GRXCR1: variants seen among roughly 807,000 people sequenced by gnomAD.
GRXCR1 encodes glutaredoxin and cysteine rich domain containing 1.
GRXCR1 carries 27 observed loss-of-function variants against 27.3 expected under a neutral mutation model. That is an observed-to-expected ratio of 0.99 (90% confidence interval 0.73 to 1.37). The LOEUF (loss-of-function observed/expected upper bound fraction) is 1.37, where lower values mean the gene tolerates loss of function less well. GRXCR1 is among the 40% of genes most tolerant of loss of function. The pLI, the probability that GRXCR1 is intolerant of heterozygous loss-of-function variation, is 0.00. For missense variants in GRXCR1, 379 were observed against 354.4 expected (o/e 1.07, Z -0.56); for synonymous variants, 122 against 131.1 (o/e 0.93, Z 0.47).
At chr4:42,960,642 G>GTT (rs200228120) in intron 1 of GRXCR1, among the ~76,000 whole-genome samples, 3 of 149,150 alleles carry the variant, frequency 2.0e-5, no homozygotes, top group Non-Finnish European at 4.5e-5. Context: ...CTACACTTGT[G>GTT]TTTTTTTTTC....
intron 1 of GRXCR1, 95 bp downstream of exon 1, chr4:42,893,745 G>A: frequency 8.5e-7 from 1 of 1,170,086 alleles, no homozygotes; most frequent in South Asian, 1.2e-5. Flanking sequence ...TCTCTTATTT[G>A]CAACTCCTAC....
At chr4:43,015,312 A>G (rs80182793) in intron 2 of GRXCR1, among the ~76,000 whole-genome samples, 4,648 of 152,246 alleles carry the variant, frequency 0.031, 78 homozygotes, top group African/African-American at 0.037. Context: ...GTAAACAATA[A>G]TATTTATTTA....
Position 42,893,496 on chromosome 4 carries a change from A to G in GRXCR1, c.230A>G (p.Gln77Arg). 1 of 1,613,920 alleles carries G rather than the reference A, an allele frequency of 6.2e-7. No individual in the cohort carries two copies. The highest frequency in any genetic ancestry group is 8.5e-7 in the Non-Finnish European group (1 of 1,179,846). ...GAAGGTGATGAGAATGAGAATGACC[A>G]GGATAGCTTGCTGGTGTTAGCAAGG... ...ESEGDENENDQDSLLVLARAA... is the reference protein window; with the variant it reads ...ESEGDENENDRDSLLVLARAA... The change falls in exon 1 of 4, where the codon CAG becomes CGG. Residue 77 changes from glutamine (Q) to arginine (R), a missense_variant. By Grantham distance (43) the Gln-to-Arg change is conservative. Coordinates refer to ENST00000399770, the MANE Select transcript of GRXCR1 (RefSeq NM_001080476.3).
At chr4:42,952,491 C>A (rs567435232) in intron 1 of GRXCR1, among the ~76,000 whole-genome samples, 2 of 152,210 alleles carry the variant, frequency 1.3e-5, no homozygotes, top group South Asian at 2.1e-4. Flanking sequence ...ACCAACATTA[C>A]CTTAGTCCAA....
chr4:42,934,683 G>A (rs952641009), intron 1 of GRXCR1, among the ~76,000 whole-genome samples: 3 of 151,764 alleles, frequency 2.0e-5, no homozygotes, highest in Non-Finnish European at 4.4e-5. Flanking sequence ...TCACTTATCT[G>A]TTATCCATGT....
At chr4:42,963,482 ATATT>A (rs1215821062) in intron 2 of GRXCR1, among the ~76,000 whole-genome samples, 2 of 152,000 alleles carry the variant, frequency 1.3e-5, no homozygotes, top group African/African-American at 4.8e-5. Context: ...TATAAGATAT[ATATT>A]TATAAATTCT....
chr4:42,996,070 CTA>C (rs1712146776), intron 2 of GRXCR1, among the ~76,000 whole-genome samples: 1 of 152,070 alleles, frequency 6.6e-6, no homozygotes, highest in African/African-American at 2.4e-5. Flanking sequence ...TTTTTTCAGA[CTA>C]GTGTTACTTT....
chr4:42,937,364 A>G (rs7667015), intron 1 of GRXCR1, among the ~76,000 whole-genome samples: 20,873 of 151,462 alleles, frequency 0.14, 1,551 homozygotes, highest in Non-Finnish European at 0.16. Context: ...CCCCAGTGCT[A>G]TAATTAGCTG....
chr4:42,990,173 C>CTTTTTTTTTTTTTTTTTT lies in GRXCR1; in HGVS notation c.627+27058_627+27075dup, dbSNP rs745784596. Among the ~76,000 whole-genome samples, 19 of 46,230 alleles carry CTTTTTTTTTTTTTTTTTT rather than the reference C, an allele frequency of 4.1e-4. 7 individuals carry two copies. Among genetic ancestry groups the CTTTTTTTTTTTTTTTTTT allele is most frequent in the East Asian group, 1.6e-3 (2 of 1,284 alleles). 30.3% of individuals were successfully genotyped at this position (46,230 alleles called of 152,430 possible). The stretch of plus-strand genomic sequence containing the variant: ...AACTTCTTGAATTGAATTATTAGTT[C>CTTTTTTTTTTTTTTTTTT]TTTTTTTTTTTTTTTTTTTTTTTTT... On this transcript the variant is annotated intron_variant, in intron 2 of 3. Coordinates refer to ENST00000399770, the MANE Select transcript of GRXCR1 (RefSeq NM_001080476.3).
At chr4:42,926,975 A>C (rs1335957941) in intron 1 of GRXCR1, among the ~76,000 whole-genome samples, 1 of 152,086 alleles carries the variant, frequency 6.6e-6, no homozygotes, top group Non-Finnish European at 1.5e-5. Context: ...CATAGACTAT[A>C]AGCTCTGGAG....
Position 42,962,979 on chromosome 4 carries a change from C to A in GRXCR1, c.472C>A (p.Leu158Met). 1 of 1,612,814 alleles carries A rather than the reference C, an allele frequency of 6.2e-7. No individual in the cohort carries two copies. Among genetic ancestry groups the A allele is most frequent in the Non-Finnish European group, 8.5e-7 (1 of 1,179,150 alleles). The change falls in exon 2 of 4, where the codon CTG (leucine) becomes ATG (methionine). Residue 158 changes from leucine (L) to methionine (M), a missense_variant. By Grantham distance (15) the Leu-to-Met change is conservative. Transcript: ENST00000399770. ...CCGGACAACCTTTGAAAGATGTGAA[C>A]TGGTTAGAAAGATTTTCCAAAACCA... ...VVRTTFERCE[L>M]VRKIFQNHRV...
intron 3 of GRXCR1, among the ~76,000 whole-genome samples, chr4:43,020,648 A>G (rs1299550811): frequency 1.3e-5 from 2 of 152,194 alleles, no homozygotes; most frequent in Non-Finnish European, 2.9e-5. Flanking sequence ...TGTTATGGTC[A>G]GCTTTATTTG....
chr4:43,012,661 T>G (rs1050051115), intron 2 of GRXCR1, among the ~76,000 whole-genome samples: 8 of 152,204 alleles, frequency 5.3e-5, no homozygotes, highest in African/African-American at 1.9e-4. Flanking sequence ...ACAACAACCC[T>G]ATAAACATTA....
chr4:43,023,433 A>G (rs887793385), intron 3 of GRXCR1, among the ~76,000 whole-genome samples: 2 of 152,206 alleles, frequency 1.3e-5, no homozygotes, highest in African/African-American at 2.4e-5. Flanking sequence ...ATCTTATCAT[A>G]TATCCCACCC....
chr4:42,901,990 T>C (rs7668697), intron 1 of GRXCR1, among the ~76,000 whole-genome samples: 26,889 of 152,180 alleles, frequency 0.18, 2,603 homozygotes, highest in African/African-American at 0.24. Context: ...GTTTTGTGTG[T>C]TTCCTTTCTG....
At chr4:42,963,623 G>T (rs571300562) in intron 2 of GRXCR1, among the ~76,000 whole-genome samples, 1 of 151,962 alleles carries the variant, frequency 6.6e-6, no homozygotes, top group East Asian at 1.9e-4. Flanking sequence ...TTTTAACTTG[G>T]GTACTGCAGC....
chr4:42,965,401 C>G (rs536984740), intron 2 of GRXCR1, among the ~76,000 whole-genome samples: 3 of 152,000 alleles, frequency 2.0e-5, no homozygotes, highest in Admixed American at 6.6e-5. Context: ...ATGGCAAACA[C>G]TCCAAAACAA....
chr4:42,926,219 C>T (rs978932332), intron 1 of GRXCR1, among the ~76,000 whole-genome samples: 3 of 151,970 alleles, frequency 2.0e-5, no homozygotes, highest in African/African-American at 7.2e-5. Context: ...AAGAGACAAG[C>T]TTATTGTGAT....
chr4:42,990,102 G>A (rs1426051407), intron 2 of GRXCR1, among the ~76,000 whole-genome samples: 1 of 135,730 alleles, frequency 7.4e-6, no homozygotes, highest in African/African-American at 2.7e-5. Context: ...GGTCTTTATT[G>A]TTTGCTGTTC....
Sources: gnomAD v4.1 joint callset for allele counts (sites outside exome capture counted in the v4.1 genomes callset) on GRCh38, gnomAD v4.1.1 for gene constraint, MANE v1.5 for transcripts, NCBI Gene and HGNC (gene_info 2026-07-23, HGNC 2026-07-21) for gene names.